Variants in ASTN1 observed in about 807,000 individuals in gnomAD.
ASTN1 encodes astrotactin-1.
In ASTN1, 41 loss-of-function variants were observed where a neutral mutation model predicts 140.7. The observed-to-expected ratio is 0.29, with a 90% CI of 0.23 to 0.38. The LOEUF (loss-of-function observed/expected upper bound fraction) is 0.38, where lower values mean the gene tolerates loss of function less well. Ranked by LOEUF, ASTN1 falls within the 10% of genes least tolerant of loss-of-function variation. ASTN1 has a pLI of 1.00. For missense variants in ASTN1, 1,479 were observed against 1,678.8 expected, an observed-to-expected ratio of 0.88 and a Z score of 2.08; for synonymous variants, 640 against 652.2, an observed-to-expected ratio of 0.98 and a Z score of 0.29.
chr1:176,914,899 G>T (rs1453687013), intron 16 of ASTN1, among the ~76,000 whole-genome samples: 1 of 152,140 alleles, frequency 6.6e-6, no homozygotes, highest in Non-Finnish European at 1.5e-5. Flanking sequence ...CTTATTAGAA[G>T]ATGCATAATA....
At position 176,864,274 on chromosome 1, in the gene ASTN1, C is replaced by A. The variant is rs1292898304; in HGVS notation, c.*10G>T. 1 of 1,612,828 alleles carries A rather than the reference C, an allele frequency of 6.2e-7. No individual in the cohort carries two copies. The highest frequency in any genetic ancestry group is 8.5e-7 in the Non-Finnish European group (1 of 1,179,416). ...CTTCATTCTGGCAGCAGCTCCCTGG[C>A]CTTATGGTGCTAGATCTCTTTGCTG... On this transcript the variant is annotated 3_prime_UTR_variant, in exon 23 of 23. Transcript: ENST00000361833.
intron 17 of ASTN1, among the ~76,000 whole-genome samples, chr1:176,890,997 G>A (rs762551819): frequency 1.7e-4 from 26 of 151,958 alleles, no homozygotes; most frequent in Non-Finnish European, 3.4e-4. Context: ...ACTGTACTCC[G>A]GCCTGGGCAA....
Position 177,164,491 on chromosome 1 carries a change from C to T in ASTN1, c.186G>A (p.Ser62=). 1.2e-6 allele frequency: 2 copies of T among 1,613,950 alleles called. No individual in the cohort carries two copies. Among genetic ancestry groups the T allele is most frequent in the Admixed American group, 1.7e-5 (1 of 60,000 alleles). Residue 62 remains serine, a synonymous_variant, in exon 1 of 23, where the codon TCG becomes TCA. Transcript: ENST00000361833. ...GCACCGAGAAGAGGAGCTTGGGCTC[C>T]GAGGCCGAGGGGCTGTGCATGATGC... ...DLSIMHSPSA[S]EPKLLFSVRN...
intron 10 of ASTN1, 39 bp downstream of exon 10, chr1:176,958,306 C>A (rs776244333): frequency 6.2e-7 from 1 of 1,611,872 alleles, no homozygotes; most frequent in Admixed American, 1.7e-5. Context: ...TTCTGCTTCC[C>A]AAGCCAATTG....
intron 16 of ASTN1, among the ~76,000 whole-genome samples, chr1:176,904,221 T>C (rs768450869): frequency 7.9e-5 from 12 of 152,160 alleles, no homozygotes; most frequent in East Asian, 1.9e-4. Context: ...GACTCACTTA[T>C]TGGCCATGTA....
chr1:177,109,650 A>T (rs973304606), intron 1 of ASTN1, among the ~76,000 whole-genome samples: 2 of 152,222 alleles, frequency 1.3e-5, no homozygotes, highest in East Asian at 3.9e-4. Context: ...ATTGTTAAAA[A>T]CTGAAATGCT....
intron 7 of ASTN1, 121 bp downstream of exon 7, chr1:177,023,283 G>T: frequency 1.6e-6 from 2 of 1,270,116 alleles, no homozygotes; most frequent in African/African-American, 1.6e-5. Context: ...CAGTCCGCAT[G>T]GTCTAGGCTC....
At chr1:176,983,814 C>T (rs1362038076) in intron 8 of ASTN1, among the ~76,000 whole-genome samples, 3 of 152,170 alleles carry the variant, frequency 2.0e-5, no homozygotes, top group Admixed American at 2.0e-4. Flanking sequence ...AGAATGTATT[C>T]GCGCTGACCT....
intron 1 of ASTN1, among the ~76,000 whole-genome samples, chr1:177,091,672 A>G (rs1235073261): frequency 6.6e-6 from 1 of 152,142 alleles, no homozygotes; most frequent in Admixed American, 6.6e-5. Flanking sequence ...TATCTCCCCA[A>G]AATGAAACAC....
Position 177,054,223 on chromosome 1 carries a change from T to C in ASTN1, c.471+6855A>G, listed in dbSNP as rs1412459960. 2.0e-5 allele frequency among the ~76,000 whole-genome samples: 3 copies of C among 152,132 alleles called. No individual in the cohort carries two copies. In the East Asian group the frequency reaches 5.8e-4, roughly 29 times the overall value. Reference sequence around the variant, plus strand: ...ATGCTCAGTCCCCTTGTCTGCAAAATGAGTAATAACAAACCCTACTTTATG... The same window carrying C: ...ATGCTCAGTCCCCTTGTCTGCAAAACGAGTAATAACAAACCCTACTTTATG... On this transcript the variant is annotated intron_variant, in intron 2 of 22. Transcript: ENST00000361833.
At chr1:176,996,070 T>C (rs1674424123) in intron 8 of ASTN1, among the ~76,000 whole-genome samples, 1 of 152,126 alleles carries the variant, frequency 6.6e-6, no homozygotes, top group Non-Finnish European at 1.5e-5. Context: ...GTCCTTGGAC[T>C]TCAGTGCTGG....
chr1:176,973,199 TCTC>T, intron 8 of ASTN1, among the ~76,000 whole-genome samples: 1 of 152,228 alleles, frequency 6.6e-6, no homozygotes, highest in South Asian at 2.1e-4. Context: ...CTAAGCATCA[TCTC>T]CTACTTTCCC....
chr1:177,164,308 C>T, intron 1 of ASTN1, 86 bp downstream of exon 1: 1 of 1,316,042 alleles, frequency 7.6e-7, no homozygotes, highest in Non-Finnish European at 1.0e-6. Flanking sequence ...AGGTCGTCGG[C>T]GAGTGGGTGT....
intron 9 of ASTN1, among the ~76,000 whole-genome samples, chr1:176,961,123 T>A (rs1397574518): frequency 6.6e-6 from 1 of 152,228 alleles, no homozygotes; most frequent in Non-Finnish European, 1.5e-5. Context: ...TATTGACCGA[T>A]AAATAACGAT....
In ASTN1 at chr1:176,864,031, A is replaced by G; in HGVS notation, c.*253T>C. 7.8e-7 allele frequency: 1 copy of G among 1,278,312 alleles called. No homozygotes were observed. The allele number at this position is 1,278,312 out of a possible 1,614,324, so 79.2% of individuals were successfully genotyped here. A position where few individuals can be genotyped will look rare whatever the true frequency, so the allele number is the denominator to read the frequency against. On this transcript the variant is annotated 3_prime_UTR_variant, in exon 23 of 23. Coordinates refer to ENST00000361833, the MANE Select transcript of ASTN1 (RefSeq NM_004319.3). ...ATGGAACAAATTAATGGCAAAGCAA[A>G]CCCCAAAGTAATCCTCTAAAGAAAT... is the stretch of plus-strand genomic sequence containing the variant.
At chr1:177,086,567 A>C (rs1679479268) in intron 1 of ASTN1, among the ~76,000 whole-genome samples, 1 of 152,220 alleles carries the variant, frequency 6.6e-6, no homozygotes, top group Non-Finnish European at 1.5e-5. Context: ...ATACTACGTA[A>C]TACTAAATGC....
At chr1:176,897,739 T>C (rs144572791) in intron 16 of ASTN1, among the ~76,000 whole-genome samples, 1 of 152,102 alleles carries the variant, frequency 6.6e-6, no homozygotes, top group African/African-American at 2.4e-5. Context: ...GAGAAAAATA[T>C]AGAGGGGCAT....
intron 2 of ASTN1, among the ~76,000 whole-genome samples, chr1:177,038,491 AGGAAG>A (rs1676830264): frequency 6.6e-6 from 1 of 152,158 alleles, no homozygotes; most frequent in Admixed American, 6.5e-5. Flanking sequence ...GAAGGAAAGA[AGGAAG>A]GGAAGGAGGG....
intron 8 of ASTN1, among the ~76,000 whole-genome samples, chr1:176,970,193 T>C (rs969091801): frequency 2.6e-5 from 4 of 152,214 alleles, no homozygotes; most frequent in African/African-American, 9.6e-5. Flanking sequence ...CAGGGATTTT[T>C]CCCTTAGTCT....
Sources: gnomAD v4.1 joint callset for allele counts (sites outside exome capture counted in the v4.1 genomes callset) on GRCh38, gnomAD v4.1.1 for gene constraint, MANE v1.5 for transcripts, NCBI Gene and HGNC (gene_info 2026-07-23, HGNC 2026-07-21) for gene names.